Variants in EFCAB5 observed in about 807,000 individuals in gnomAD.
The protein encoded by EFCAB5 is EF-hand calcium-binding domain-containing protein 5.
In EFCAB5, 131 loss-of-function variants were observed where a neutral mutation model predicts 167.9. That is an observed-to-expected ratio of 0.78 (90% confidence interval 0.68 to 0.90). The LOEUF is 0.90. Among genes scored for constraint, EFCAB5 ranks in the 40% least tolerant of loss-of-function variants. The probability of loss-of-function intolerance (pLI) is 0.00; values close to 1 mark genes in which losing one functional copy is unlikely to be tolerated. For missense variants in EFCAB5, 1,663 were observed against 1,745.2 expected (o/e 0.95, Z 0.84); for synonymous variants, 574 against 602.8 (o/e 0.95, Z 0.70).
At chr17:29,981,513 TCTC>T (rs2068174764) in intron 4 of EFCAB5, among the ~76,000 whole-genome samples, 1 of 152,182 alleles carries the variant, frequency 6.6e-6, no homozygotes, top group South Asian at 2.1e-4. Context: ...ATCCTGTGTT[TCTC>T]CTTCATTGCA....
At chr17:30,091,434 A>C (rs527338387) in intron 20 of EFCAB5, among the ~76,000 whole-genome samples, 1 of 152,312 alleles carries the variant, frequency 6.6e-6, no homozygotes, top group East Asian at 1.9e-4. Context: ...AGAAAGGAGA[A>C]ATTTCATGTC....
chr17:29,988,884 GT>G (rs759424018), intron 4 of EFCAB5, among the ~76,000 whole-genome samples: 25 of 152,118 alleles, frequency 1.6e-4, no homozygotes, highest in Non-Finnish European at 2.6e-4. Context: ...TGAATGCTGA[GT>G]TGAAAAAAAT....
intron 18 of EFCAB5, among the ~76,000 whole-genome samples, chr17:30,085,735 A>G (rs1482517769): frequency 1.3e-5 from 2 of 151,826 alleles, no homozygotes; most frequent in South Asian, 2.1e-4. Context: ...AAAAAAAAAA[A>G]AAAGAAAAGA....
intron 13 of EFCAB5, chr17:30,058,960 A>T (rs926326285): frequency 3.3e-5 from 5 of 150,976 alleles, no homozygotes; most frequent in Non-Finnish European, 7.4e-5. Flanking sequence ...ATGGTCAAAG[A>T]TTCTTAAGGT....
At chr17:29,989,178 A>G (rs1163755382) in intron 4 of EFCAB5, among the ~76,000 whole-genome samples, 4 of 152,326 alleles carry the variant, frequency 2.6e-5, no homozygotes, top group Admixed American at 2.6e-4. Context: ...TTGTAGGGTC[A>G]TTTACTAAGG....
chr17:30,010,932 G>A (rs1390518572), intron 7 of EFCAB5, among the ~76,000 whole-genome samples: 1 of 152,152 alleles, frequency 6.6e-6, no homozygotes, highest in African/African-American at 2.4e-5. Context: ...GGTTTTTATG[G>A]TTTTAGGTCT....
At chr17:30,073,061 ATTTT>A in intron 14 of EFCAB5, 12 of 520,212 alleles carry the variant, frequency 2.3e-5, no homozygotes, top group Admixed American at 6.1e-5. Flanking sequence ...CCCAACCTTT[ATTTT>A]TTTTTTTTTG....
At position 30,101,215 on chromosome 17, in the gene EFCAB5, C is replaced by A. The variant is rs900050629; in HGVS notation, c.4322-6619C>A. Reference sequence around the variant, plus strand: ...TATGACCTATGTTTTAAAAGGATCACCCTGCTGCTGTAATGAGAAGACACT... The same window carrying A: ...TATGACCTATGTTTTAAAAGGATCAACCTGCTGCTGTAATGAGAAGACACT... On this transcript the variant is annotated intron_variant, in intron 22 of 22. Transcript: ENST00000394835. 1.5e-4 allele frequency among the ~76,000 whole-genome samples: 23 copies of A among 152,274 alleles called. 1 individual carries two copies. The highest frequency in any genetic ancestry group is 1.4e-3 in the Admixed American group (22 of 15,292).
chr17:29,937,489 A>C (rs2067255513), upstream of EFCAB5, among the ~76,000 whole-genome samples: 1 of 151,854 alleles, frequency 6.6e-6, no homozygotes, highest in African/African-American at 2.4e-5. Context: ...GCCCAGCCTC[A>C]CTCCTGCTTC....
Position 30,083,012 on chromosome 17 carries a change from CTACGTACTTTG to C in EFCAB5, c.3551_3561del (p.Thr1184ArgfsTer3), listed in dbSNP as rs1449112939. 2.5e-6 allele frequency: 4 copies of C among 1,613,886 alleles called. No individual in the cohort carries two copies. Among genetic ancestry groups the C allele is most frequent in the Non-Finnish European group, 3.4e-6 (4 of 1,179,888 alleles). On this transcript the variant is annotated frameshift_variant, in exon 18 of 23. Coordinates refer to ENST00000394835, the MANE Select transcript of EFCAB5 (RefSeq NM_198529.4). LOFTEE classifies it high-confidence loss of function. ...GTCACATCCAGCATCACCTCCATCA[CTACGTACTTTG>C]TAGAGCCTAGCCCAGCCCAGGTAGG...
chr17:29,966,733 A>T (rs537196304), intron 3 of EFCAB5, among the ~76,000 whole-genome samples: 2 of 152,318 alleles, frequency 1.3e-5, no homozygotes, highest in East Asian at 3.9e-4. Context: ...TGCAGTCCGC[A>T]CTTAAAGAGA....
intron 21 of EFCAB5, 69 bp downstream of exon 21, chr17:30,092,226 A>T: frequency 6.9e-7 from 1 of 1,457,958 alleles, no homozygotes; most frequent in Non-Finnish European, 9.2e-7. Context: ...TGTACAAATC[A>T]TAATTGCATA....
Position 30,107,945 on chromosome 17 carries a change from G to GTAT in EFCAB5, c.4436_4438dup (p.Ile1479dup), listed in dbSNP as rs2071471292. The GTAT allele has an allele frequency of 6.2e-7, 1 of 1,611,704 alleles. No individual in the cohort carries two copies. Among genetic ancestry groups the GTAT allele is most frequent in the East Asian group, 2.2e-5 (1 of 44,682 alleles). ...AAGATAACCAAACAACTAAATAGTG[G>GTAT]TATTACACCTCCGTTGCCCTCCAAG... On this transcript the variant is annotated inframe_insertion, in exon 23 of 23. Transcript: ENST00000394835.
chr17:30,000,373 A>G (rs1408303964), intron 7 of EFCAB5, among the ~76,000 whole-genome samples: 1 of 152,212 alleles, frequency 6.6e-6, no homozygotes, highest in East Asian at 1.9e-4. Flanking sequence ...GAAGACACCA[A>G]GATGCAGAAA....
intron 22 of EFCAB5, among the ~76,000 whole-genome samples, chr17:30,094,611 G>A (rs1401868326): frequency 6.6e-6 from 1 of 151,980 alleles, no homozygotes; most frequent in South Asian, 2.1e-4. Context: ...GAGCCCAGGA[G>A]GTTGAGGCTG....
chr17:30,073,679 A>G (rs1229387984), intron 14 of EFCAB5: 2 of 714,346 alleles, frequency 2.8e-6, no homozygotes, highest in Non-Finnish European at 5.2e-6. Flanking sequence ...TCTTGAGACC[A>G]AATTTCCATA....
At chr17:29,945,608 A>G (rs2151522046) in intron 3 of EFCAB5, among the ~76,000 whole-genome samples, 4 of 152,296 alleles carry the variant, frequency 2.6e-5, no homozygotes, top group East Asian at 3.9e-4. Flanking sequence ...ATTATACTAC[A>G]AGGCTATAGT....
intron 3 of EFCAB5, among the ~76,000 whole-genome samples, chr17:29,958,420 GA>G (rs984175941): frequency 1.3e-5 from 2 of 152,048 alleles, no homozygotes; most frequent in Admixed American, 6.6e-5. Context: ...TACTGCAACT[GA>G]GGGAACATCA....
chr17:29,937,099 A>G (rs2067251616), upstream of EFCAB5, among the ~76,000 whole-genome samples: 1 of 152,192 alleles, frequency 6.6e-6, no homozygotes, highest in Non-Finnish European at 1.5e-5. Flanking sequence ...ATTTACAGTA[A>G]TCCACAGTCA....
Sources: allele counts gnomAD v4.1 joint callset (sites outside exome capture counted in the v4.1 genomes callset), GRCh38; gene constraint gnomAD v4.1.1; transcripts MANE v1.5; gene names NCBI Gene and HGNC (gene_info 2026-07-23, HGNC 2026-07-21).